The following ABCA13 variants were observed in gnomAD, a reference collection of about 807,000 sequenced individuals.
The protein encoded by ABCA13 is ATP binding cassette subfamily A member 13, also known as ATP-binding cassette sub-family A member 13.
A neutral mutation model predicts 478.7 loss-of-function variants in ABCA13; 476 were observed. The observed-to-expected ratio is 0.99, with a 90% CI of 0.92 to 1.07. The LOEUF is 1.07. Ranked by LOEUF, ABCA13 falls within the 50% of genes least tolerant of loss-of-function variation. ABCA13 has a pLI of 0.00. For synonymous variants in ABCA13, 2,252 were observed against 2,158.9 expected (o/e 1.04, Z -1.20); for missense variants, 6,060 against 5,910.6 (o/e 1.03, Z -0.83).
chr7:48,274,460 T>C lies in ABCA13; in HGVS notation c.4794T>C (p.Tyr1598=), dbSNP rs1469855055. 1 of 1,613,840 alleles carries C rather than the reference T, an allele frequency of 6.2e-7. No homozygotes were observed. The change falls in exon 17 of 62, where the codon TAT becomes TAC. Residue 1598 remains tyrosine (Y), a synonymous_variant. Coordinates refer to ENST00000435803, the MANE Select transcript of ABCA13 (RefSeq NM_152701.5). ...KDVNSVGNSI[Y]HLASYLAFSL... is the part of the protein sequence containing the mutation. The stretch of plus-strand genomic sequence containing the variant: ...TAAACAGTGTAGGCAATTCCATTTA[T>C]CACTTAGCTAGTTACCTTGCCTTCA...
chr7:48,630,000 A>T (rs560012929), intron 59 of ABCA13, among the ~76,000 whole-genome samples: 1 of 152,080 alleles, frequency 6.6e-6, no homozygotes. Context: ...AATTATTATT[A>T]TCTATTTCTT....
At chr7:48,303,632 C>T (rs1473688105) in intron 23 of ABCA13, among the ~76,000 whole-genome samples, 1 of 152,082 alleles carries the variant, frequency 6.6e-6, no homozygotes, top group Non-Finnish European at 1.5e-5. Context: ...TGTCGAAGAT[C>T]AGATAGTTAT....
chr7:48,251,983 A>T (rs1003150014), intron 15 of ABCA13, among the ~76,000 whole-genome samples: 4 of 152,114 alleles, frequency 2.6e-5, no homozygotes, highest in Admixed American at 2.6e-4. Context: ...CAATAGTTTC[A>T]TTATGAGGTG....
chr7:48,429,780 A>T (rs1169025847), intron 42 of ABCA13, among the ~76,000 whole-genome samples: 1 of 152,144 alleles, frequency 6.6e-6, no homozygotes, highest in Non-Finnish European at 1.5e-5. Flanking sequence ...AAGGTGTTGG[A>T]TGTTGCCAAA....
intron 43 of ABCA13, among the ~76,000 whole-genome samples, chr7:48,466,319 G>A (rs1378050669): frequency 6.6e-6 from 1 of 152,186 alleles, no homozygotes; most frequent in Non-Finnish European, 1.5e-5. Flanking sequence ...AGGAAATTCA[G>A]TATTGGTGGT....
At chr7:48,267,577 T>A (rs1363728068) in intron 15 of ABCA13, among the ~76,000 whole-genome samples, 1 of 152,156 alleles carries the variant, frequency 6.6e-6, no homozygotes, top group East Asian at 1.9e-4. Context: ...CTTACAAATT[T>A]TGCCTTTTTT....
intron 24 of ABCA13, among the ~76,000 whole-genome samples, chr7:48,311,696 A>C (rs182405525): frequency 3.3e-4 from 51 of 152,314 alleles, no homozygotes; most frequent in Admixed American, 5.2e-4. Context: ...AACAGCTCTT[A>C]TTTATCAGGT....
rs780735709 is a variant in ABCA13 at position 48,244,483 on chromosome 7, TG to T, written c.1263-91del. ...CTAGTGAACACACTTCTCAAAGCAG[TG>T]GAATATTTTCCTTTGAACGGAATTT... On this transcript the variant is annotated intron_variant, in intron 10 of 61. Coordinates refer to ENST00000435803, the MANE Select transcript of ABCA13 (RefSeq NM_152701.5). 1.5e-5 allele frequency: 22 copies of T among 1,427,874 alleles called. No individual in the cohort carries two copies. In the Middle Eastern group the frequency reaches 5.9e-4, roughly 38 times the overall value. 88.5% of individuals were successfully genotyped at this position (1,427,874 alleles called of 1,614,324 possible). A position where few individuals can be genotyped will look rare whatever the true frequency, so the allele number is the denominator to read the frequency against.
intron 22 of ABCA13, among the ~76,000 whole-genome samples, chr7:48,297,768 C>CTCTT (rs1178916104): frequency 2.4e-4 from 36 of 147,608 alleles, no homozygotes; most frequent in Middle Eastern, 3.4e-3. Context: ...TAAGAAGAAG[C>CTCTT]TCTTTCTTTC....
chr7:48,198,191 T>C, intron 2 of ABCA13, 46 bp from the exon 3 acceptor site: 1 of 1,550,652 alleles, frequency 6.4e-7, no homozygotes, highest in Non-Finnish European at 8.7e-7. Context: ...ATTCCATTTC[T>C]GGTAGCAGGT....
intron 27 of ABCA13, among the ~76,000 whole-genome samples, chr7:48,322,294 T>C (rs552068873): frequency 8.5e-4 from 130 of 152,334 alleles, no homozygotes; most frequent in Non-Finnish European, 1.6e-3. Flanking sequence ...TTTCCAAGTC[T>C]TCCCATGCTG....
intron 15 of ABCA13, among the ~76,000 whole-genome samples, chr7:48,260,008 C>T (rs1793956398): frequency 6.6e-6 from 1 of 152,032 alleles, no homozygotes; most frequent in Non-Finnish European, 1.5e-5. Flanking sequence ...CATTTTTCAG[C>T]TCCTGTATCA....
At chr7:48,636,985 G>C (rs1314413487) in intron 59 of ABCA13, among the ~76,000 whole-genome samples, 3 of 152,074 alleles carry the variant, frequency 2.0e-5, no homozygotes, top group Non-Finnish European at 2.9e-5. Context: ...ATTTATTTAA[G>C]GGCTGTATTA....
intron 58 of ABCA13, among the ~76,000 whole-genome samples, chr7:48,597,448 T>G (rs1790415760): frequency 6.6e-6 from 1 of 152,236 alleles, no homozygotes; most frequent in African/African-American, 2.4e-5. Flanking sequence ...TTTGTATGTA[T>G]AGACATGTTT....
At chr7:48,456,979 A>G (rs1022908445) in intron 43 of ABCA13, among the ~76,000 whole-genome samples, 2 of 152,178 alleles carry the variant, frequency 1.3e-5, no homozygotes, top group East Asian at 3.9e-4. Context: ...ATGTGTGCCA[A>G]TTAACAGTCT....
intron 48 of ABCA13, among the ~76,000 whole-genome samples, chr7:48,502,791 C>T (rs1428577034): frequency 6.6e-6 from 1 of 152,130 alleles, no homozygotes; most frequent in Non-Finnish European, 1.5e-5. Flanking sequence ...AGAATTTATA[C>T]AAATAGTCTA....
chr7:48,519,284 A>AT (rs1832361019), intron 52 of ABCA13, among the ~76,000 whole-genome samples: 2 of 152,270 alleles, frequency 1.3e-5, no homozygotes, highest in South Asian at 4.1e-4. Flanking sequence ...ATATCTTTGG[A>AT]ATAGAATGAT....
Position 48,295,696 on chromosome 7 carries a change from C to A in ABCA13, c.8956-4C>A. 6.8e-6 allele frequency: 11 copies of A among 1,613,928 alleles called. No homozygotes were observed. Among genetic ancestry groups the A allele is most frequent in the Non-Finnish European group, 9.3e-6 (11 of 1,179,862 alleles). ...CTAACCTATATCATTGCTATGTTTT[C>A]TAGGAAATTGAAAAGATATGGTCCT... is the stretch of plus-strand genomic sequence containing the variant. On this transcript the variant is annotated splice_polypyrimidine_tract_variant and splice_region_variant and intron_variant, in intron 20 of 61. Coordinates refer to ENST00000435803, the MANE Select transcript of ABCA13 (RefSeq NM_152701.5).
intron 27 of ABCA13, among the ~76,000 whole-genome samples, chr7:48,321,692 G>A (rs1465363649): frequency 4.6e-5 from 7 of 152,302 alleles, no homozygotes; most frequent in Middle Eastern, 3.4e-3. Flanking sequence ...TGCCGTGAGA[G>A]CGAGGTGGCC....
Sources: gnomAD v4.1 joint callset for allele counts (sites outside exome capture counted in the v4.1 genomes callset) on GRCh38, gnomAD v4.1.1 for gene constraint, MANE v1.5 for transcripts, NCBI Gene and HGNC (gene_info 2026-07-23, HGNC 2026-07-21) for gene names.